The following TAF1C variants were observed in gnomAD, a reference collection of about 807,000 sequenced individuals.
TAF1C encodes the protein TATA box-binding protein-associated factor RNA polymerase I subunit C.
TAF1C carries 79 observed loss-of-function variants against 70.5 expected under a neutral mutation model. The observed-to-expected ratio is 1.12, with a 90% confidence interval of 0.93 to 1.35. TAF1C has a LOEUF of 1.35. TAF1C is among the 40% of genes most tolerant of loss of function. TAF1C has a pLI of 0.00. For missense variants in TAF1C, 1,412 were observed against 1,127.8 expected (o/e 1.25, Z -3.61); for synonymous variants, 614 against 491.1 (o/e 1.25, Z -3.31).
rs1267820709 is a variant in TAF1C, at chr16:84,181,436, C to T, written c.1056G>A (p.Glu352=). ...AAGAGGAGTCCCGGAACACGAGGGT[C>T]TCAGGGTCCCTGTAGATTTGCCGCA... ...DGLRQIYRDP[E]TLVFRDSSSW... Residue 352 remains glutamate, a synonymous_variant, in exon 11 of 15, where the codon GAG becomes GAA. Coordinates refer to ENST00000566732, the MANE Select transcript of TAF1C (RefSeq NM_001243156.2). The T allele has an allele frequency of 6.2e-7, 1 of 1,613,698 alleles. No homozygotes were observed. The highest frequency in any genetic ancestry group is 8.5e-7 in the Non-Finnish European group (1 of 1,180,010).
intron 12 of TAF1C, chr16:84,180,573 A>AG (rs1267294346): frequency 1.7e-6 from 1 of 596,126 alleles, no homozygotes; most frequent in Non-Finnish European, 2.8e-6. Flanking sequence ...CAAGTGGGAA[A>AG]GGGGTGCTCA....
rs977256027 is a variant in TAF1C at position 84,177,919 on chromosome 16, C to T, written c.*1022G>A. On this transcript the variant is annotated 3_prime_UTR_variant, in exon 15 of 15. Transcript: ENST00000566732. ...GGCATGATAAACATTTTAACACCCA[C>T]GCGAGTCAGTGTATGATTGGGCTAG... 1.9e-5 allele frequency: 23 copies of T among 1,218,470 alleles called. No homozygotes were observed. The highest frequency in any genetic ancestry group is 7.1e-5 in the East Asian group (3 of 42,096). The allele number at this position is 1,218,470 out of a possible 1,614,324, so 75.5% of individuals were successfully genotyped here.
Position 84,179,466 on chromosome 16 carries a change from T to C in TAF1C, c.2007A>G (p.Arg669=), listed in dbSNP as rs142321452. 5.6e-6 allele frequency: 9 copies of C among 1,597,378 alleles called. No homozygotes were observed. Among genetic ancestry groups the C allele is most frequent in the Non-Finnish European group, 7.7e-6 (9 of 1,176,110 alleles). ...CTGCCGCAGGGAGGGAGCCCAGGTCTCTCTGCAGCAGGAGCTGCCCTCGGG... is the reference window on the plus strand; with the variant it reads ...CTGCCGCAGGGAGGGAGCCCAGGTCCCTCTGCAGCAGGAGCTGCCCTCGGG... ...AMARGQLLLQ[R]DLGSLPAAEP... Residue 669 remains arginine (R), a synonymous_variant, in exon 15 of 15, where the codon AGA becomes AGG. Coordinates refer to ENST00000566732, the MANE Select transcript of TAF1C (RefSeq NM_001243156.2).
intron 4 of TAF1C, 34 bp from the exon 5 acceptor site, chr16:84,183,367 A>G (rs1328020345): frequency 1.2e-6 from 2 of 1,613,868 alleles, no homozygotes; most frequent in Non-Finnish European, 1.7e-6. Flanking sequence ...CACTAAGCAC[A>G]GTCTCCAGGC....
At position 84,181,369 on chromosome 16, in the gene TAF1C, T is replaced by C. The variant is rs755500169; in HGVS notation, c.1123A>G (p.Thr375Ala). 2 of 1,613,770 alleles carry C rather than the reference T, an allele frequency of 1.2e-6. No individual in the cohort carries two copies. Among genetic ancestry groups the C allele is most frequent in the Non-Finnish European group, 1.7e-6 (2 of 1,179,970 alleles). Reference protein sequence around the residue: ...ADFTAHPRVLTVGDRTGVKML... With the variant: ...ADFTAHPRVLAVGDRTGVKML... ...TTCACTCCGGTGCGGTCACCCACGGTCAGCACCCGAGGGTGCGCAGTGAAG... is the reference window on the plus strand; with the variant it reads ...TTCACTCCGGTGCGGTCACCCACGGCCAGCACCCGAGGGTGCGCAGTGAAG... Residue 375 changes from threonine to alanine, a missense_variant, in exon 11 of 15, where the codon ACC (threonine) becomes GCC (alanine). Coordinates refer to ENST00000566732, the MANE Select transcript of TAF1C (RefSeq NM_001243156.2).
Position 84,178,180 on chromosome 16 carries a change from CTG to C in TAF1C, c.*759_*760del. 2.6e-6 allele frequency: 1 copy of C among 384,310 alleles called. No homozygotes were observed. Among genetic ancestry groups the C allele is most frequent in the East Asian group, 6.9e-5 (1 of 14,410 alleles). 23.8% of individuals were successfully genotyped at this position (384,310 alleles called of 1,614,324 possible). A position where few individuals can be genotyped will look rare whatever the true frequency, so the allele number is the denominator to read the frequency against. The stretch of plus-strand genomic sequence containing the variant: ...GGAGGGAGGAAAGAAAGGGGGGAGT[CTG>C]TGAGGCACAACAGAGAATTCCCCCA... On this transcript the variant is annotated 3_prime_UTR_variant, in exon 15 of 15. Coordinates refer to ENST00000566732, the MANE Select transcript of TAF1C (RefSeq NM_001243156.2).
chr16:84,185,017 G>A lies in TAF1C; in HGVS notation c.-29C>T. 6.2e-7 allele frequency: 1 copy of A among 1,607,242 alleles called. No homozygotes were observed. Among genetic ancestry groups the A allele is most frequent in the Non-Finnish European group, 8.5e-7 (1 of 1,176,212 alleles). ...GGAAACAAGGACCAAGCACCACACT[G>A]GCCACCTCGAGAGACTGGAAGCTGG... On this transcript the variant is annotated 5_prime_UTR_variant, in exon 2 of 15. Transcript: ENST00000566732.
Position 84,184,944 on chromosome 16 carries a change from G to A in TAF1C, c.45C>T (p.Gly15=). 6.2e-7 allele frequency: 1 copy of A among 1,613,964 alleles called. No individual in the cohort carries two copies. The highest frequency in any genetic ancestry group is 2.2e-5 in the East Asian group (1 of 44,870). The change falls in exon 2 of 15, where the codon GGC becomes GGT. Residue 15 remains glycine (G), a synonymous_variant. Transcript: ENST00000566732. The part of the protein sequence containing the change: ...SSLRPALFLT[G]PLGLSDVPDL... ...CAGGGACGTCGCTCAGACCAAGGGG[G>A]CCGGTCAGAAACAATGCAGGGCGGA...
chr16:84,185,015 C>G lies in TAF1C; in HGVS notation c.-27G>C. The G allele has an allele frequency of 6.2e-7, 1 of 1,607,882 alleles. No individual in the cohort carries two copies. Among genetic ancestry groups the G allele is most frequent in the Non-Finnish European group, 8.5e-7 (1 of 1,176,558 alleles). On this transcript the variant is annotated 5_prime_UTR_variant, in exon 2 of 15. Transcript: ENST00000566732. Reference sequence around the variant, plus strand: ...CTGGAAACAAGGACCAAGCACCACACTGGCCACCTCGAGAGACTGGAAGCT... The same window carrying G: ...CTGGAAACAAGGACCAAGCACCACAGTGGCCACCTCGAGAGACTGGAAGCT...
Position 84,182,176 on chromosome 16 carries a change from A to G in TAF1C, c.721+26T>C, listed in dbSNP as rs1567594239. On this transcript the variant is annotated intron_variant, in intron 7 of 14. Transcript: ENST00000566732. This position sits in a 1 kb window ranked among gnomAD's most constrained non-coding sequence, Gnocchi z 5.0. ...CTCTACCAGAGGCGAGCCCGCTGGA[A>G]TCTCCTGTCTCGCAAGAAAGGATAC... The G allele has an allele frequency of 1.3e-6, 2 of 1,598,252 alleles. No individual in the cohort carries two copies. The highest frequency in any genetic ancestry group is 2.7e-5 in the African/African-American group (2 of 74,512).
Position 84,178,035 on chromosome 16 carries a change from C to T in TAF1C, c.*906G>A. ...ACTATGTCATCAGAAACCAGACAGA[C>T]CCGGGTCCCTGCAAAATCTCAAGTG... On this transcript the variant is annotated 3_prime_UTR_variant, in exon 15 of 15. Coordinates refer to ENST00000566732, the MANE Select transcript of TAF1C (RefSeq NM_001243156.2). 3.4e-6 allele frequency: 2 copies of T among 593,258 alleles called. No homozygotes were observed. Among genetic ancestry groups the T allele is most frequent in the East Asian group, 3.1e-5 (1 of 32,100 alleles). The allele number at this position is 593,258 out of a possible 1,614,324, so 36.7% of individuals were successfully genotyped here.
chr16:84,182,044 C>G lies in TAF1C; in HGVS notation c.736G>C (p.Val246Leu). ...TGGGGATTGTCACCTGGGGTCAGAA[C>G]GACCTCTTGGAAATCTGGGCCTCTC... is the stretch of plus-strand genomic sequence containing the variant. ...AQDRLHFQEV[V>L]LTPGDNPQFL... Residue 246 changes from valine (V) to leucine (L), a missense_variant, in exon 8 of 15, where the codon GTT becomes CTT. Transcript: ENST00000566732. The surrounding 1 kb of genome is among the most constrained non-coding windows in gnomAD (Gnocchi z 5.0). 1 of 1,613,198 alleles carries G rather than the reference C, an allele frequency of 6.2e-7. No homozygotes were observed. The highest frequency in any genetic ancestry group is 1.3e-5 in the African/African-American group (1 of 75,006).
chr16:84,186,056 A>G (rs3826142), intron 1 of TAF1C, among the ~76,000 whole-genome samples: 111,726 of 152,136 alleles, frequency 0.73, 41,707 homozygotes, highest in African/African-American at 0.86. Flanking sequence ...TCTGCCAGGC[A>G]CATGCTAAAT....
Position 84,178,866 on chromosome 16 carries a change from C to T in TAF1C, c.*75G>A, listed in dbSNP as rs989329426. The T allele has an allele frequency of 1.4e-4, 203 of 1,464,296 alleles. No homozygotes were observed. Among genetic ancestry groups the T allele is most frequent in the Non-Finnish European group, 1.8e-4 (195 of 1,097,692 alleles). The allele number at this position is 1,464,296 out of a possible 1,614,324, so 90.7% of individuals were successfully genotyped here. On this transcript the variant is annotated 3_prime_UTR_variant, in exon 15 of 15. Coordinates refer to ENST00000566732, the MANE Select transcript of TAF1C (RefSeq NM_001243156.2). ...GCGAGCTCTGCTTCTCAAGTTTCAACTGTGGAAGGCACATCTGGTCCCAGA... is the reference window on the plus strand; with the variant it reads ...GCGAGCTCTGCTTCTCAAGTTTCAATTGTGGAAGGCACATCTGGTCCCAGA...
At chr16:84,181,561 G>C in intron 10 of TAF1C, 31 bp downstream of exon 10, 1 of 1,613,924 alleles carries the variant, frequency 6.2e-7, no homozygotes, top group Non-Finnish European at 8.5e-7. Context: ...CAGTTCGTTA[G>C]GGTGGGGGGT....
chr16:84,180,606 C>A (rs1203326686), intron 12 of TAF1C: 2 of 582,830 alleles, frequency 3.4e-6, no homozygotes, highest in East Asian at 3.4e-5. Context: ...GGGAGCCTTG[C>A]CAGCAGAAAC....
In TAF1C at chr16:84,179,455, G is replaced by T. The variant is rs1295639602; in HGVS notation, c.2018C>A (p.Ser673Tyr). ...AGGGGGTGGCTCTGCCGCAGGGAGGGAGCCCAGGTCTCTCTGCAGCAGGAG... is the reference window on the plus strand; with the variant it reads ...AGGGGGTGGCTCTGCCGCAGGGAGGTAGCCCAGGTCTCTCTGCAGCAGGAG... Reference protein sequence around the residue: ...GQLLLQRDLGSLPAAEPPPAP... With the variant: ...GQLLLQRDLGYLPAAEPPPAP... Residue 673 changes from serine to tyrosine, a missense_variant, in exon 15 of 15, where the codon TCC becomes TAC. Ser to Tyr is a moderately radical substitution (Grantham distance 144, BLOSUM62 -2). Coordinates refer to ENST00000566732, the MANE Select transcript of TAF1C (RefSeq NM_001243156.2). The T allele has an allele frequency of 1.3e-6, 2 of 1,597,750 alleles. No homozygotes were observed.
At position 84,180,071 on chromosome 16, in the gene TAF1C, G is replaced by A. The variant is rs766098348; in HGVS notation, c.1496C>T (p.Ser499Leu). The A allele has an allele frequency of 1.1e-5, 17 of 1,598,344 alleles. No homozygotes were observed. The highest frequency in any genetic ancestry group is 3.4e-5 in the Admixed American group (2 of 57,976). The change falls in exon 14 of 15, where the codon TCG becomes TTG. Residue 499 changes from serine to leucine, a missense_variant. Transcript: ENST00000566732. ...GGGGGGGCCTGCCAGGCGGGGCACC[G>A]ACGCCCCTTCTCCTGAGGAAGGACA... is the stretch of plus-strand genomic sequence containing the variant. ...QLLHLAGEGA[S>L]VPRLAGPPQS... is the part of the protein sequence containing the mutation.
rs1302004999 is a variant in TAF1C, at chr16:84,181,780, G to A, written c.922C>T (p.Gln308Ter). ...ATCCCCGTGGCCCCTTTCTCCACCT[G>A]CATTGCCTGCAGAAGGGTTGGCTGC... ...QWQPTLLQAM[Q>*]VEKGATGISL... Residue 308 changes from glutamine to a stop codon, truncating the protein, a stop_gained, in exon 9 of 15, where the codon CAG becomes TAG. Transcript: ENST00000566732. LOFTEE classifies it high-confidence loss of function. 6.2e-7 allele frequency: 1 copy of A among 1,614,094 alleles called. No individual in the cohort carries two copies. Among genetic ancestry groups the A allele is most frequent in the Admixed American group, 1.7e-5 (1 of 60,014 alleles).
Sources: allele counts gnomAD v4.1 joint callset (sites outside exome capture counted in the v4.1 genomes callset), GRCh38; gene constraint gnomAD v4.1.1; non-coding constraint Gnocchi (gnomAD v3.1); transcripts MANE v1.5; gene names NCBI Gene and HGNC (gene_info 2026-07-23, HGNC 2026-07-21).